Variants in GTF3C1 observed in about 807,000 individuals in gnomAD.
The protein encoded by GTF3C1 is general transcription factor IIIC subunit 1.
A neutral mutation model predicts 226.7 loss-of-function variants in GTF3C1; 57 were observed. The ratio of observed to expected loss-of-function variants is 0.25; its 90% confidence interval spans 0.20 to 0.31. GTF3C1 has a LOEUF of 0.31. Among genes scored for constraint, GTF3C1 ranks in the 10% least tolerant of loss-of-function variants. The pLI, the probability that GTF3C1 is intolerant of heterozygous loss-of-function variation, is 1.00. For synonymous variants in GTF3C1, 1,090 were observed against 1,084.8 expected, an observed-to-expected ratio of 1.00 and a Z score of -0.09; for missense variants, 2,217 against 2,776.1, an observed-to-expected ratio of 0.80 and a Z score of 4.53.
At chr16:27,482,252 G>A (rs1384229236) in intron 26 of GTF3C1, among the ~76,000 whole-genome samples, 2 of 152,206 alleles carry the variant, frequency 1.3e-5, no homozygotes, top group African/African-American at 4.8e-5. Context: ...GCTCCTGGAG[G>A]GGAGTGTGGC....
At position 27,538,293 on chromosome 16, in the gene GTF3C1, C is replaced by T. The variant is rs1300822042; in HGVS notation, c.495G>A (p.Gln165=). 1.2e-6 allele frequency: 2 copies of T among 1,608,546 alleles called. No individual in the cohort carries two copies. Among genetic ancestry groups the T allele is most frequent in the Admixed American group, 1.7e-5 (1 of 59,938 alleles). Residue 165 remains glutamine (Q), a synonymous_variant, in exon 3 of 37, where the codon CAG becomes CAA. Transcript: ENST00000356183. ...GCAGCTTCAGGTCGGGATCCCCCTCCTGGCCTATCAAGGCCCTGTACCGCA... is the reference window on the plus strand; with the variant it reads ...GCAGCTTCAGGTCGGGATCCCCCTCTTGGCCTATCAAGGCCCTGTACCGCA... ...QAMRYRALIG[Q]EGDPDLKLPD...
intron 29 of GTF3C1, among the ~76,000 whole-genome samples, chr16:27,475,089 C>T (rs926133538): frequency 7.2e-5 from 11 of 152,386 alleles, no homozygotes; most frequent in Admixed American, 7.2e-4. Context: ...CCAGTCCTCC[C>T]TGCCCCGCTG....
rs921363063 is a variant in GTF3C1 at position 27,460,734 on chromosome 16, C to CTCT, written c.*613_*615dup. The CTCT allele has an allele frequency of 4.6e-5, 7 of 152,118 alleles. No individual in the cohort carries two copies. The highest frequency in any genetic ancestry group is 1.7e-4 in the African/African-American group (7 of 41,424). The allele number at this position is 152,118 out of a possible 1,614,324, so 9.4% of individuals were successfully genotyped here. A position where few individuals can be genotyped will look rare whatever the true frequency, so the allele number is the denominator to read the frequency against. On this transcript the variant is annotated 3_prime_UTR_variant, in exon 37 of 37. Coordinates refer to ENST00000356183, the MANE Select transcript of GTF3C1 (RefSeq NM_001520.4). ...CAAACAAAACCAAAACCTACAGGGA[C>CTCT]TCTTCATTTCTGGCCTGCAAGGAAT... is the stretch of plus-strand genomic sequence containing the variant.
rs1342915056 is a variant in GTF3C1, at chr16:27,470,221, A to G, written c.4701T>C (p.Asn1567=). 1 of 1,613,220 alleles carries G rather than the reference A, an allele frequency of 6.2e-7. No individual in the cohort carries two copies. Among genetic ancestry groups the G allele is most frequent in the East Asian group, 2.2e-5 (1 of 44,870 alleles). The change falls in exon 31 of 37, where the codon AAT becomes AAC. Residue 1567 remains asparagine (N), a synonymous_variant. Coordinates refer to ENST00000356183, the MANE Select transcript of GTF3C1 (RefSeq NM_001520.4). This position sits in a 1 kb window ranked among gnomAD's most constrained non-coding sequence, Gnocchi z 4.9. ...VAFSLDGPGG[N]CVAVLTLFSL... is the part of the protein sequence containing the mutation. ...AGAAGAGGGTCAGGACGGCCACACA[A>G]TTTCCTCCAGGGCCGTCCAGTGAAA...
rs1596608797 is a variant in GTF3C1 at position 27,462,111 on chromosome 16, T to C, written c.6117+183A>G. The C allele has an allele frequency of 8.4e-6, 5 of 593,834 alleles. No individual in the cohort carries two copies. The East Asian group carries it at 1.4e-4, about 16-fold the overall frequency. The allele number at this position is 593,834 out of a possible 1,614,324, so 36.8% of individuals were successfully genotyped here. A position where few individuals can be genotyped will look rare whatever the true frequency, so the allele number is the denominator to read the frequency against. On this transcript the variant is annotated intron_variant, in intron 36 of 36. Coordinates refer to ENST00000356183, the MANE Select transcript of GTF3C1 (RefSeq NM_001520.4). The surrounding 1 kb of genome is among the most constrained non-coding windows in gnomAD (Gnocchi z 4.5). ...CCATCTTCCAGCCTGGTCAGCAGCATGGAGCTGGTGAAGGACACTGAGGGA... is the reference window on the plus strand; with the variant it reads ...CCATCTTCCAGCCTGGTCAGCAGCACGGAGCTGGTGAAGGACACTGAGGGA...
rs144086944 is a variant in GTF3C1 at position 27,464,566 on chromosome 16, C to T, written c.5626G>A (p.Glu1876Lys). 2.9e-4 allele frequency: 437 copies of T among 1,490,414 alleles called. 2 individuals carry two copies. In the Middle Eastern group the frequency reaches 9.4e-3, roughly 32 times the overall value. The allele number at this position is 1,490,414 out of a possible 1,614,324, so 92.3% of individuals were successfully genotyped here. A position where few individuals can be genotyped will look rare whatever the true frequency, so the allele number is the denominator to read the frequency against. ...WASENGETDAEGTQMTPAKRP... is the reference protein window; with the variant it reads ...WASENGETDAKGTQMTPAKRP... ...TTGGCAGGGGTCATCTGGGTGCCCT[C>T]GGCGTCGGTCTCCCCATTCTCACTG... The change falls in exon 34 of 37, where the codon GAG (glutamate) becomes AAG (lysine). Residue 1876 changes from glutamate (E) to lysine (K), a missense_variant. Physicochemically the swap from Glu to Lys is moderately conservative, Grantham distance 56. Coordinates refer to ENST00000356183, the MANE Select transcript of GTF3C1 (RefSeq NM_001520.4).
At chr16:27,496,543 G>C (rs1269786648) in intron 14 of GTF3C1, among the ~76,000 whole-genome samples, 1 of 152,132 alleles carries the variant, frequency 6.6e-6, no homozygotes, top group African/African-American at 2.4e-5. Context: ...CTCCCAAGTG[G>C]CTGGGACTGT....
intron 6 of GTF3C1, among the ~76,000 whole-genome samples, chr16:27,523,260 G>A (rs2088778666): frequency 6.6e-6 from 1 of 152,056 alleles, no homozygotes; most frequent in Admixed American, 6.6e-5. Context: ...TCAGTTCAGG[G>A]GGGCTGTTTA....
chr16:27,512,829 G>A (rs374206444), intron 6 of GTF3C1, among the ~76,000 whole-genome samples: 2 of 152,306 alleles, frequency 1.3e-5, no homozygotes, highest in South Asian at 2.1e-4. Flanking sequence ...AAGATGCTAG[G>A]GAACCAGAGG....
Sources: allele counts gnomAD v4.1 joint callset (sites outside exome capture counted in the v4.1 genomes callset), GRCh38; gene constraint gnomAD v4.1.1; non-coding constraint Gnocchi (gnomAD v3.1); transcripts MANE v1.5; gene names NCBI Gene and HGNC (gene_info 2026-07-23, HGNC 2026-07-21).